The following SEZ6L variants were observed in gnomAD, a reference collection of about 807,000 sequenced individuals.
SEZ6L encodes seizure 6-like protein.
A neutral mutation model predicts 106.2 loss-of-function variants in SEZ6L; 37 were observed. The ratio of observed to expected loss-of-function variants is 0.35; its 90% CI spans 0.27 to 0.46. The LOEUF is 0.46. Among genes scored for constraint, SEZ6L ranks in the 20% least tolerant of loss-of-function variants. The pLI is 1.00. For synonymous variants in SEZ6L, 541 were observed against 570.4 expected (o/e 0.95, Z 0.73); for missense variants, 1,172 against 1,332.8 (o/e 0.88, Z 1.88).
intron 1 of SEZ6L, among the ~76,000 whole-genome samples, chr22:26,283,968 A>G (rs1478604999): frequency 6.6e-6 from 1 of 152,254 alleles, no homozygotes; most frequent in Non-Finnish European, 1.5e-5. Flanking sequence ...TTACAGAACA[A>G]TATATGCCAT....
chr22:26,342,500 T>C (rs1391925953), intron 10 of SEZ6L, among the ~76,000 whole-genome samples: 2 of 150,744 alleles, frequency 1.3e-5, no homozygotes, highest in Non-Finnish European at 2.9e-5. Flanking sequence ...CCATCCTGGC[T>C]AACACAGTGA....
intron 12 of SEZ6L, among the ~76,000 whole-genome samples, chr22:26,357,371 A>G (rs946696857): frequency 3.9e-5 from 6 of 152,188 alleles, no homozygotes; most frequent in African/African-American, 1.4e-4. Context: ...ATAAACAGAT[A>G]TGACCCACAT....
At chr22:26,227,119 A>G (rs2078656664) in intron 1 of SEZ6L, among the ~76,000 whole-genome samples, 1 of 152,212 alleles carries the variant, frequency 6.6e-6, no homozygotes, top group South Asian at 2.1e-4. Flanking sequence ...TCCCCAGCGC[A>G]GTGTCTGGCA....
intron 10 of SEZ6L, among the ~76,000 whole-genome samples, chr22:26,345,276 T>G (rs559772724): frequency 7.9e-5 from 12 of 152,298 alleles, no homozygotes; most frequent in African/African-American, 2.9e-4. Context: ...GGCCACCCAG[T>G]TAGTAAACAG....
intron 12 of SEZ6L, among the ~76,000 whole-genome samples, chr22:26,357,943 C>T (rs2083491428): frequency 6.6e-6 from 1 of 152,196 alleles, no homozygotes; most frequent in South Asian, 2.1e-4. Context: ...ACTTAGCTTG[C>T]TTAAGAGACA....
chr22:26,257,389 C>T (rs919962418), intron 1 of SEZ6L, among the ~76,000 whole-genome samples: 1 of 152,128 alleles, frequency 6.6e-6, no homozygotes, highest in Non-Finnish European at 1.5e-5. Flanking sequence ...GGAGAGAAAA[C>T]AAGCCGCAAA....
intron 1 of SEZ6L, among the ~76,000 whole-genome samples, chr22:26,282,508 C>T (rs1294311863): frequency 6.6e-6 from 1 of 152,182 alleles, no homozygotes; most frequent in Non-Finnish European, 1.5e-5. Context: ...CCAGTCTGAC[C>T]TGTTACATAA....
intron 1 of SEZ6L, among the ~76,000 whole-genome samples, chr22:26,287,376 G>T (rs2145872065): frequency 6.6e-6 from 1 of 152,254 alleles, no homozygotes; most frequent in South Asian, 2.1e-4. Context: ...TCAACCATAG[G>T]AGAAAGTGAA....
At chr22:26,332,749 T>G (rs994023903) in intron 9 of SEZ6L, among the ~76,000 whole-genome samples, 2 of 152,222 alleles carry the variant, frequency 1.3e-5, no homozygotes, top group African/African-American at 2.4e-5. Context: ...TGCCCAGCTG[T>G]TCTGAATATT....
At chr22:26,331,063 G>A (rs1441045793) in intron 9 of SEZ6L, among the ~76,000 whole-genome samples, 1 of 152,166 alleles carries the variant, frequency 6.6e-6, no homozygotes, top group Non-Finnish European at 1.5e-5. Flanking sequence ...CCGGAATATT[G>A]ACTCTAGCTC....
chr22:26,298,559 T>A (rs1306152267), intron 4 of SEZ6L, among the ~76,000 whole-genome samples: 1 of 152,346 alleles, frequency 6.6e-6, no homozygotes, highest in East Asian at 1.9e-4. Context: ...AGCTTTCATA[T>A]CCTTGGGCAA....
intron 1 of SEZ6L, among the ~76,000 whole-genome samples, chr22:26,177,015 C>T (rs1188550919): frequency 6.6e-6 from 1 of 152,198 alleles, no homozygotes; most frequent in Non-Finnish European, 1.5e-5. Flanking sequence ...GAATCTTACT[C>T]ATTCATATGC....
intron 1 of SEZ6L, among the ~76,000 whole-genome samples, chr22:26,252,773 T>C (rs1176273281): frequency 2.6e-5 from 4 of 152,256 alleles, no homozygotes; most frequent in African/African-American, 9.6e-5. Flanking sequence ...TATGGCTGCA[T>C]AGTATTTCAC....
rs200226789 is a variant in SEZ6L, at chr22:26,368,757, C to A, written c.2794+3191C>A. Reference sequence around the variant, plus strand: ...AATTTTATCTACCTAAAAAAAAAAACAATTCCCCTGAATCACCTCTGTTAA... The same window carrying A: ...AATTTTATCTACCTAAAAAAAAAAAAAATTCCCCTGAATCACCTCTGTTAA... On this transcript the variant is annotated intron_variant, in intron 13 of 16. Transcript: ENST00000248933. 1.9e-4 allele frequency among the ~76,000 whole-genome samples: 24 copies of A among 129,416 alleles called. No homozygotes were observed. In the East Asian group the frequency reaches 3.8e-3, roughly 21 times the overall value. 84.9% of individuals were successfully genotyped at this position (129,416 alleles called of 152,430 possible). A position where few individuals can be genotyped will look rare whatever the true frequency, so the allele number is the denominator to read the frequency against.
intron 6 of SEZ6L, 63 bp downstream of exon 6, chr22:26,306,207 G>A: frequency 6.4e-7 from 1 of 1,559,772 alleles, no homozygotes; most frequent in South Asian, 1.2e-5. Context: ...CATGGCTTGA[G>A]GACTTGGAGT....
rs573668780 is a variant in SEZ6L at position 26,269,800 on chromosome 22, G to T, written c.95-22606G>T. ...AATCTCCCTTCCACTCGGCTACAAG[G>T]AATAGAGTCTACTGTGGGAAGATCA... On this transcript the variant is annotated intron_variant, in intron 1 of 16. Transcript: ENST00000248933. 3.9e-5 allele frequency among the ~76,000 whole-genome samples: 6 copies of T among 152,332 alleles called. No homozygotes were observed. In the South Asian group the frequency reaches 1.2e-3, roughly 32 times the overall value.
At chr22:26,300,880 A>G (rs145549904) in intron 5 of SEZ6L, among the ~76,000 whole-genome samples, 31 of 152,382 alleles carry the variant, frequency 2.0e-4, no homozygotes, top group African/African-American at 7.5e-4. Flanking sequence ...TTATCAGATA[A>G]GTGGTTTGCA....
intron 9 of SEZ6L, among the ~76,000 whole-genome samples, chr22:26,325,695 C>G (rs1487852468): frequency 1.3e-5 from 2 of 152,124 alleles, no homozygotes; most frequent in Non-Finnish European, 2.9e-5. Flanking sequence ...TGGATAAAGT[C>G]ACCCCACTTC....
intron 9 of SEZ6L, among the ~76,000 whole-genome samples, 193 bp downstream of exon 9, chr22:26,314,095 C>CACACACACAG (rs1491457169): frequency 2.9e-5 from 4 of 136,224 alleles, no homozygotes; most frequent in Admixed American, 7.7e-5. Flanking sequence ...CACACACACA[C>CACACACACAG]AGAGAGAGAG....
Sources: gnomAD v4.1 joint callset for allele counts (sites outside exome capture counted in the v4.1 genomes callset) on GRCh38, gnomAD v4.1.1 for gene constraint, MANE v1.5 for transcripts, NCBI Gene and HGNC (gene_info 2026-07-23, HGNC 2026-07-21) for gene names.